Variants in NEIL1 observed in about 807,000 individuals in gnomAD.
NEIL1 encodes the protein endonuclease 8-like 1.
A neutral mutation model predicts 44.2 loss-of-function variants in NEIL1; 31 were observed. That is an observed-to-expected ratio of 0.70 (90% CI 0.53 to 0.95). The LOEUF (loss-of-function observed/expected upper bound fraction) is 0.95. Ranked by LOEUF, NEIL1 falls within the 40% of genes least tolerant of loss-of-function variation. The probability of loss-of-function intolerance (pLI) is 0.00; values close to 1 mark genes in which losing one functional copy is unlikely to be tolerated. For missense variants in NEIL1, 549 were observed against 515.5 expected, an observed-to-expected ratio of 1.07 and a Z score of -0.63; for synonymous variants, 254 against 209.7, an observed-to-expected ratio of 1.21 and a Z score of -1.83.
At position 75,355,309 on chromosome 15, in the gene NEIL1, G is replaced by T; in HGVS notation, c.*275G>T. ...GAAGGGCCTGCTGTCCGGTCCTGGTGACAGAAGGCCCAGCTCCTCACAAGG... is the reference window on the plus strand; with the variant it reads ...GAAGGGCCTGCTGTCCGGTCCTGGTTACAGAAGGCCCAGCTCCTCACAAGG... On this transcript the variant is annotated 3_prime_UTR_variant, in exon 10 of 10. Transcript: ENST00000355059. 2.4e-6 allele frequency: 1 copy of T among 418,494 alleles called. No homozygotes were observed. The highest frequency in any genetic ancestry group is 4.4e-6 in the Non-Finnish European group (1 of 229,738). 25.9% of individuals were successfully genotyped at this position (418,494 alleles called of 1,614,324 possible).
chr15:75,349,416 A>G, intron 2 of NEIL1, 77 bp downstream of exon 2: 1 of 1,394,524 alleles, frequency 7.2e-7, no homozygotes, highest in Non-Finnish European at 9.7e-7. Context: ...TTGGCCAACA[A>G]GGGGCGAGTC....
At position 75,356,539 on chromosome 15, in the gene NEIL1, T is replaced by G; in HGVS notation, c.*1505T>G. 6.4e-7 allele frequency: 1 copy of G among 1,550,906 alleles called. No homozygotes were observed. ...GGGCAGGAAGCCAGGTTGCTGGGGT[T>G]TGGGCTCAGGGAAGGGCAGAGAGGT... On this transcript the variant is annotated 3_prime_UTR_variant, in exon 10 of 10. Transcript: ENST00000355059. This position sits in a 1 kb window ranked among gnomAD's most constrained non-coding sequence, Gnocchi z 5.8.
chr15:75,354,231 T>C lies in NEIL1; in HGVS notation c.847-19T>C. On this transcript the variant is annotated intron_variant, in intron 6 of 9. Transcript: ENST00000355059. The stretch of plus-strand genomic sequence containing the variant: ...TGCCAACCCAGGCTGATTCCTGAAT[T>C]ATCCCCATCCCATTTTAGGGGGATC... The C allele has an allele frequency of 6.2e-7, 1 of 1,613,994 alleles. No individual in the cohort carries two copies. The highest frequency in any genetic ancestry group is 2.2e-5 in the East Asian group (1 of 44,892).
chr15:75,349,074 C>T lies in NEIL1; in HGVS notation c.169C>T (p.Arg57Cys), dbSNP rs748128957. ...AGCTTCAGCCCGCGGCAAGGAGCTG[C>T]GCCTGATACTGAGCCCTCTGCCTGG... Reference protein sequence around the residue: ...ISASARGKELRLILSPLPGAQ... With the variant: ...ISASARGKELCLILSPLPGAQ... Residue 57 changes from arginine to cysteine, a missense_variant, in exon 2 of 10, where the codon CGC (arginine) becomes TGC (cysteine). Coordinates refer to ENST00000355059, the MANE Select transcript of NEIL1 (RefSeq NM_024608.4). 2.5e-6 allele frequency: 4 copies of T among 1,613,118 alleles called. No homozygotes were observed. Among genetic ancestry groups the T allele is most frequent in the Non-Finnish European group, 3.4e-6 (4 of 1,179,978 alleles).
intron 2 of NEIL1, 38 bp downstream of exon 2, chr15:75,349,377 G>A (rs368306124): frequency 4.5e-6 from 7 of 1,547,106 alleles, no homozygotes; most frequent in African/African-American, 4.1e-5. Flanking sequence ...ATAGTCGCGG[G>A]CTCCACACCT....
intron 2 of NEIL1, among the ~76,000 whole-genome samples, chr15:75,350,188 TCACATGG>T (rs1459445694): frequency 6.6e-6 from 1 of 152,212 alleles, no homozygotes; most frequent in African/African-American, 2.4e-5. Context: ...GCAGGTCACC[TCACATGG>T]CACAGTGTTG....
At chr15:75,354,870 T>C in intron 9 of NEIL1, 52 bp downstream of exon 9, 2 of 1,613,032 alleles carry the variant, frequency 1.2e-6, no homozygotes, top group South Asian at 2.2e-5. Context: ...GAGGATGGGA[T>C]GGTGGCCTAG....
chr15:75,347,835 G>A lies in NEIL1; in HGVS notation c.-23+362G>A, dbSNP rs540571613. ...GAGCGCCGCTCCTCCCCAAAACTAG[G>A]ATTTGGAGCCTCACGTTCTCCCGCA... On this transcript the variant is annotated intron_variant, in intron 1 of 9. Transcript: ENST00000355059. 5.1e-6 allele frequency: 6 copies of A among 1,173,348 alleles called. No homozygotes were observed. The South Asian group carries it at 7.3e-5, about 14-fold the overall frequency. The allele number at this position is 1,173,348 out of a possible 1,614,324, so 72.7% of individuals were successfully genotyped here.
Position 75,355,786 on chromosome 15 carries a change from G to A in NEIL1, c.*752G>A. ...GGATGGGCCCTAAGGGGACTGAGCA[G>A]CAGGGTTCCCGATCCAAGGATTTAT... On this transcript the variant is annotated 3_prime_UTR_variant, in exon 10 of 10. Coordinates refer to ENST00000355059, the MANE Select transcript of NEIL1 (RefSeq NM_024608.4). 1 of 1,119,884 alleles carries A rather than the reference G, an allele frequency of 8.9e-7. No individual in the cohort carries two copies. Among genetic ancestry groups the A allele is most frequent in the South Asian group, 1.5e-5 (1 of 67,406 alleles). The allele number at this position is 1,119,884 out of a possible 1,614,324, so 69.4% of individuals were successfully genotyped here. A position where few individuals can be genotyped will look rare whatever the true frequency, so the allele number is the denominator to read the frequency against.
Position 75,349,021 on chromosome 15 carries a change from C to T in NEIL1, c.116C>T (p.Pro39Leu). The T allele has an allele frequency of 6.2e-7, 1 of 1,613,782 alleles. No individual in the cohort carries two copies. The highest frequency in any genetic ancestry group is 8.5e-7 in the Non-Finnish European group (1 of 1,180,018). ...TCTGTCAGCCGCAACCCTGAGGTGC[C>T]CTTTGAGAGCAGTGCCTACCGCATC... ...KSSVSRNPEV[P>L]FESSAYRISA... The change falls in exon 2 of 10, where the codon CCC becomes CTC. Residue 39 changes from proline (P) to leucine (L), a missense_variant. Transcript: ENST00000355059.
At chr15:75,352,256 G>T (rs373812361) in intron 3 of NEIL1, 26 bp downstream of exon 3, 4 of 1,614,114 alleles carry the variant, frequency 2.5e-6, no homozygotes, top group Admixed American at 1.7e-5. Context: ...TGGGCATGGG[G>T]ACTGCGGTGG....
intron 3 of NEIL1, 26 bp from the exon 4 acceptor site, chr15:75,352,298 C>T (rs1452429845): frequency 3.7e-6 from 6 of 1,614,100 alleles, no homozygotes; most frequent in Non-Finnish European, 5.1e-6. Context: ...CACTGCCTAG[C>T]ATGGCTTGCC....
Position 75,356,780 on chromosome 15 carries a change from G to A in NEIL1, c.*1746G>A. 6.8e-6 allele frequency: 11 copies of A among 1,613,824 alleles called. No individual in the cohort carries two copies. The highest frequency in any genetic ancestry group is 1.3e-5 in the African/African-American group (1 of 75,062). On this transcript the variant is annotated 3_prime_UTR_variant, in exon 10 of 10. Coordinates refer to ENST00000355059, the MANE Select transcript of NEIL1 (RefSeq NM_024608.4). The surrounding 1 kb of genome is among the most constrained non-coding windows in gnomAD (Gnocchi z 5.8). ...CCATGCCAGCTCCCAGGCCTGGTGG[G>A]TACCCCACTTACAGCGAGAGGCTGA...
intron 8 of NEIL1, 34 bp downstream of exon 8, chr15:75,354,526 C>G: frequency 6.2e-7 from 1 of 1,613,696 alleles, no homozygotes; most frequent in African/African-American, 1.3e-5. Context: ...CTCCCCTGCA[C>G]TCTGCAGCCC....
rs2072295830 is a variant in NEIL1 at position 75,356,313 on chromosome 15, C to T, written c.*1279C>T. On this transcript the variant is annotated 3_prime_UTR_variant, in exon 10 of 10. Transcript: ENST00000355059. The surrounding 1 kb of genome is among the most constrained non-coding windows in gnomAD (Gnocchi z 5.8). ...TCCCACCCCTTGCCTGCTTGACGGTCTCCAATACGACCGCGGGTGAAGACA... is the reference window on the plus strand; with the variant it reads ...TCCCACCCCTTGCCTGCTTGACGGTTTCCAATACGACCGCGGGTGAAGACA... The T allele has an allele frequency of 6.2e-7, 1 of 1,611,614 alleles. No individual in the cohort carries two copies. The highest frequency in any genetic ancestry group is 8.5e-7 in the Non-Finnish European group (1 of 1,179,290).
In NEIL1 at chr15:75,349,153, G is replaced by C. The variant is rs5745906; in HGVS notation, c.248G>C (p.Gly83Ala). 1 of 1,609,382 alleles carries C rather than the reference G, an allele frequency of 6.2e-7. No individual in the cohort carries two copies. Among genetic ancestry groups the C allele is most frequent in the African/African-American group, 1.3e-5 (1 of 74,940 alleles). Residue 83 changes from glycine to alanine, a missense_variant, in exon 2 of 10, where the codon GGC (glycine) becomes GCC (alanine). Transcript: ENST00000355059. The part of the protein sequence containing the change: ...LALVFRFGMS[G>A]SFQLVPREEL... ...CTGGTCTTCCGCTTCGGCATGTCCG[G>C]CTCTTTTCAGCTGGTGCCCCGCGAG...
chr15:75,347,507 AC>A (rs1304171280), intron 1 of NEIL1, 34 bp downstream of exon 1: 1 of 152,336 alleles, frequency 6.6e-6, no homozygotes, highest in Admixed American at 6.5e-5. Context: ...AAAGCCTGGA[AC>A]CCCCCAAGCT....
In NEIL1 at chr15:75,348,880, A is replaced by G. The variant is rs373713110; in HGVS notation, c.-22-4A>G. On this transcript the variant is annotated splice_polypyrimidine_tract_variant and splice_region_variant and intron_variant, in intron 1 of 9. Transcript: ENST00000355059. ...GCTCAACCCGCTGCCTTCCTCCCCA[A>G]CAGGACTCTGCCACCCTCCCTCAGG... 53 of 1,605,026 alleles carry G rather than the reference A, an allele frequency of 3.3e-5. 1 individual carries two copies. In the African/African-American group the frequency reaches 4.0e-4, roughly 12 times the overall value.
Position 75,355,372 on chromosome 15 carries a change from T to C in NEIL1, c.*338T>C. On this transcript the variant is annotated 3_prime_UTR_variant, in exon 10 of 10. Transcript: ENST00000355059. ...CCATCCCAGTCCTCAAGGCTCTGAC[T>C]CTATCAGAGGACAGTTTGCCTCTGC... 3.3e-6 allele frequency: 1 copy of C among 300,364 alleles called. No individual in the cohort carries two copies. The highest frequency in any genetic ancestry group is 6.3e-6 in the Non-Finnish European group (1 of 158,476). The allele number at this position is 300,364 out of a possible 1,614,324, so 18.6% of individuals were successfully genotyped here.
Sources: allele counts gnomAD v4.1 joint callset (sites outside exome capture counted in the v4.1 genomes callset), GRCh38; gene constraint gnomAD v4.1.1; non-coding constraint Gnocchi (gnomAD v3.1); transcripts MANE v1.5; gene names NCBI Gene and HGNC (gene_info 2026-07-23, HGNC 2026-07-21).